Variants in CTBP1 observed in about 807,000 individuals in gnomAD.
The protein encoded by CTBP1 is C-terminal-binding protein 1.
In CTBP1, 11 loss-of-function variants were observed where a neutral mutation model predicts 42.1. The observed-to-expected ratio is 0.26, with a 90% CI of 0.16 to 0.43. The LOEUF is 0.43. CTBP1 is among the 20% of genes least tolerant of loss of function. The pLI is 1.00. For missense variants in CTBP1, 399 were observed against 624.3 expected (o/e 0.64, Z 3.85); for synonymous variants, 324 against 277.1 (o/e 1.17, Z -1.68).
At position 1,214,632 on chromosome 4, in the gene CTBP1, G is replaced by C. The variant is rs567794580; in HGVS notation, c.730-159C>G. Among the ~76,000 whole-genome samples, 51 of 152,330 alleles carry C rather than the reference G, an allele frequency of 3.3e-4. No homozygotes were observed. The South Asian group carries it at 4.6e-3, about 14-fold the overall frequency. On this transcript the variant is annotated intron_variant, in intron 6 of 9. Transcript: ENST00000382952. ...CCACGGCGCTAGGACTGAAGGCCTC[G>C]GGCGTGCTGCACCGCGGCCCTGACA...
chr4:1,213,626 G>A (rs1728775034), intron 7 of CTBP1, 21 bp from the exon 8 acceptor site: 5 of 1,610,874 alleles, frequency 3.1e-6, no homozygotes, highest in Non-Finnish European at 3.4e-6. Context: ...CACAGGCATG[G>A]TCAGTGCAGC....
At chr4:1,247,226 G>A (rs961746150) in intron 1 of CTBP1, among the ~76,000 whole-genome samples, 1 of 152,244 alleles carries the variant, frequency 6.6e-6, no homozygotes, top group East Asian at 1.9e-4. Flanking sequence ...GCATGTTGGG[G>A]ACATGGCAGA....
chr4:1,245,700 G>A, intron 1 of CTBP1: 1 of 982,798 alleles, frequency 1.0e-6, no homozygotes, highest in Non-Finnish European at 1.2e-6. Context: ...GGGTGGCACG[G>A]GCGGGCAGGA....
At chr4:1,248,140 G>A (rs1464860064) in intron 1 of CTBP1, among the ~76,000 whole-genome samples, 5 of 152,028 alleles carry the variant, frequency 3.3e-5, no homozygotes, top group East Asian at 3.9e-4. Flanking sequence ...GGCGATGGTG[G>A]CAAGCCCGGC....
chr4:1,242,448 CA>C, intron 1 of CTBP1: 4 of 985,412 alleles, frequency 4.1e-6, no homozygotes, highest in Non-Finnish European at 4.8e-6. Flanking sequence ...GCCACTCAGC[CA>C]AGCCTAAGAC....
intron 4 of CTBP1, among the ~76,000 whole-genome samples, chr4:1,226,270 G>A (rs1490186592): frequency 6.6e-6 from 1 of 152,074 alleles, no homozygotes; most frequent in Non-Finnish European, 1.5e-5. Flanking sequence ...TCCCTGGCCA[G>A]GGCCGCCCCT....
intron 1 of CTBP1, among the ~76,000 whole-genome samples, chr4:1,246,258 C>A (rs1732711048): frequency 6.6e-6 from 1 of 152,148 alleles, no homozygotes; most frequent in South Asian, 2.1e-4. Context: ...CAGCGACCAC[C>A]AGAGGACCCT....
At chr4:1,213,671 C>G in intron 7 of CTBP1, 66 bp from the exon 8 acceptor site, 1 of 1,546,194 alleles carries the variant, frequency 6.5e-7, no homozygotes, top group East Asian at 2.3e-5. Flanking sequence ...GGGGAGGTGG[C>G]TGGGCACTGG....
At chr4:1,226,242 A>C in intron 4 of CTBP1, among the ~76,000 whole-genome samples, 2 of 151,206 alleles carry the variant, frequency 1.3e-5, no homozygotes, top group South Asian at 2.1e-4. Context: ...GAGCCTATTT[A>C]CCCTCATCCC....
intron 1 of CTBP1, among the ~76,000 whole-genome samples, chr4:1,247,921 A>G (rs1021989650): frequency 6.6e-6 from 1 of 152,178 alleles, no homozygotes; most frequent in Non-Finnish European, 1.5e-5. Flanking sequence ...CTGGAAGGGA[A>G]TTCTGTCCCG....
chr4:1,242,341 C>T, intron 1 of CTBP1: 1 of 985,360 alleles, frequency 1.0e-6, no homozygotes, highest in Non-Finnish European at 1.2e-6. Flanking sequence ...CCCCAACGTG[C>T]AGCTGACATC....
In CTBP1 at chr4:1,216,202, C is replaced by G; in HGVS notation, c.518G>C (p.Arg173Pro). The change falls in exon 6 of 10, where the codon CGC becomes CCC. Residue 173 changes from arginine to proline, a missense_variant. By Grantham distance (103) the Arg-to-Pro change is moderately radical. Around this residue, in one of 4 missense-constraint regions of CTBP1, gnomAD observed 309 missense variants for 497.5 expected, o/e 0.62. Coordinates refer to ENST00000382952, the MANE Select transcript of CTBP1 (RefSeq NM_001012614.2). ...GETLGIIGLG[R>P]VGQAVALRAK... The stretch of plus-strand genomic sequence containing the variant: ...CCGCAGCGCCACTGCCTGCCCCACG[C>G]GACCTGGTGGCGTCAAGACACAGTG... The G allele has an allele frequency of 6.2e-7, 1 of 1,609,280 alleles. No individual in the cohort carries two copies. Among genetic ancestry groups the G allele is most frequent in the Non-Finnish European group, 8.5e-7 (1 of 1,179,328 alleles).
chr4:1,224,940 G>C (rs974112782), intron 5 of CTBP1, among the ~76,000 whole-genome samples: 1 of 151,690 alleles, frequency 6.6e-6, no homozygotes, highest in Admixed American at 6.6e-5. Context: ...CATGATGTCT[G>C]TGTGAGGCCC....
At chr4:1,226,547 A>G (rs1730367461) in intron 4 of CTBP1, among the ~76,000 whole-genome samples, 1 of 149,804 alleles carries the variant, frequency 6.7e-6, no homozygotes, top group South Asian at 2.2e-4. Flanking sequence ...GGGAGAGCCA[A>G]GCCAGGCGCC....
chr4:1,238,422 C>A lies in CTBP1; in HGVS notation c.8-85G>T. On this transcript the variant is annotated intron_variant, in intron 2 of 9. Coordinates refer to ENST00000382952, the MANE Select transcript of CTBP1 (RefSeq NM_001012614.2). This position sits in a 1 kb window ranked among gnomAD's most constrained non-coding sequence, Gnocchi z 5.9. ...CTCCACGCCACCCACTGTGCACGGG[C>A]CAACGAGGGCCGACCGCCGGGGGTT... is the stretch of plus-strand genomic sequence containing the variant. 1 of 1,457,340 alleles carries A rather than the reference C, an allele frequency of 6.9e-7. No individual in the cohort carries two copies. Among genetic ancestry groups the A allele is most frequent in the Non-Finnish European group, 9.1e-7 (1 of 1,099,050 alleles). 90.3% of individuals were successfully genotyped at this position (1,457,340 alleles called of 1,614,324 possible). A position where few individuals can be genotyped will look rare whatever the true frequency, so the allele number is the denominator to read the frequency against.
At chr4:1,222,863 CTG>C (rs2108741087) in intron 5 of CTBP1, among the ~76,000 whole-genome samples, 1 of 152,248 alleles carries the variant, frequency 6.6e-6, no homozygotes, top group East Asian at 1.9e-4. Flanking sequence ...ACACATGACT[CTG>C]GGGGCAACAC....
Position 1,238,107 on chromosome 4 carries a change from G to C in CTBP1, c.162+76C>G. Reference sequence around the variant, plus strand: ...TGGCACCCAGACCTGCTGTGGCCCGGGCCTGCCGTGCTCCCGTCCCTCCAA... The same window carrying C: ...TGGCACCCAGACCTGCTGTGGCCCGCGCCTGCCGTGCTCCCGTCCCTCCAA... On this transcript the variant is annotated intron_variant, in intron 3 of 9. Transcript: ENST00000382952. This position sits in a 1 kb window ranked among gnomAD's most constrained non-coding sequence, Gnocchi z 5.9. 6.3e-7 allele frequency: 1 copy of C among 1,592,162 alleles called. No individual in the cohort carries two copies.
At chr4:1,246,695 G>A (rs777505396) in intron 1 of CTBP1, among the ~76,000 whole-genome samples, 34 of 152,222 alleles carry the variant, frequency 2.2e-4, no homozygotes, top group Non-Finnish European at 4.0e-4. Flanking sequence ...ACAGTCAGAG[G>A]AGAAAAACCA....
chr4:1,228,592 G>A (rs375780188), intron 3 of CTBP1, among the ~76,000 whole-genome samples: 4 of 152,230 alleles, frequency 2.6e-5, no homozygotes, highest in South Asian at 4.1e-4. Context: ...TAGGCTGCAG[G>A]CCGGCACTGG....
Sources: gnomAD v4.1 joint callset for allele counts (sites outside exome capture counted in the v4.1 genomes callset) on GRCh38, gnomAD v4.1.1 for gene constraint, gnomAD v4.1.1 regional missense constraint, Gnocchi (gnomAD v3.1) non-coding constraint, MANE v1.5 for transcripts, NCBI Gene and HGNC (gene_info 2026-07-23, HGNC 2026-07-21) for gene names.